KSR1: variants seen among roughly 807,000 people sequenced by gnomAD.
KSR1 encodes kinase suppressor of ras.
Under a neutral mutation model 92.9 loss-of-function variants are expected in KSR1, and 35 were observed. The ratio of observed to expected loss-of-function variants is 0.38; its 90% CI spans 0.29 to 0.50. The LOEUF (loss-of-function observed/expected upper bound fraction) is 0.50. Ranked by LOEUF, KSR1 falls within the 20% of genes least tolerant of loss-of-function variation. The pLI, the probability that KSR1 is intolerant of heterozygous loss-of-function variation, is 0.94. For synonymous variants in KSR1, 467 were observed against 472.6 expected (o/e 0.99, Z 0.15); for missense variants, 972 against 1,158.5 (o/e 0.84, Z 2.34).
chr17:27,461,065 T>G (rs2019409854), intron 1 of KSR1, among the ~76,000 whole-genome samples: 1 of 152,088 alleles, frequency 6.6e-6, no homozygotes, highest in Non-Finnish European at 1.5e-5. Context: ...TTTTTTGTTT[T>G]GTTTTGTTTT....
intron 1 of KSR1, among the ~76,000 whole-genome samples, chr17:27,485,401 A>G (rs2068635898): frequency 6.6e-6 from 1 of 152,198 alleles, no homozygotes. Flanking sequence ...CCTGGAGTTC[A>G]GATGGGTGGG....
At chr17:27,477,383 C>G (rs1050418002) in intron 1 of KSR1, among the ~76,000 whole-genome samples, 8 of 152,190 alleles carry the variant, frequency 5.3e-5, no homozygotes, top group African/African-American at 1.4e-4. Flanking sequence ...TCTAGCTGCC[C>G]TGGAAACACC....
At chr17:27,597,549 G>C in intron 10 of KSR1, 113 bp downstream of exon 10, 1 of 1,140,340 alleles carries the variant, frequency 8.8e-7, no homozygotes, top group African/African-American at 1.6e-5. Flanking sequence ...AAGAGCTGAT[G>C]TTTATGAAGT....
In KSR1 at chr17:27,577,842, C is replaced by A. The variant is rs1468514732; in HGVS notation, c.520+203C>A. ...CTGGATCCTGGTGGGTCTGGCCAGG[C>A]CGAATCTGAGGGGTTTCAGCCATGG... On this transcript the variant is annotated intron_variant, in intron 3 of 20. Coordinates refer to ENST00000644974, the MANE Select transcript of KSR1 (RefSeq NM_001394583.1). This position sits in a 1 kb window ranked among gnomAD's most constrained non-coding sequence, Gnocchi z 4.5. The A allele has an allele frequency of 8.6e-6, 6 of 694,258 alleles. No individual in the cohort carries two copies. The East Asian group carries it at 1.6e-4, about 19-fold the overall frequency. 43.0% of individuals were successfully genotyped at this position (694,258 alleles called of 1,614,324 possible).
At chr17:27,590,736 C>T in intron 6 of KSR1, 75 bp from the exon 7 acceptor site, 2 of 1,412,758 alleles carry the variant, frequency 1.4e-6, no homozygotes, top group East Asian at 2.5e-5. Context: ...CCCTGGAGCT[C>T]CATGGGAAAC....
chr17:27,473,846 T>C (rs139320538), intron 1 of KSR1, among the ~76,000 whole-genome samples: 1 of 152,246 alleles, frequency 6.6e-6, no homozygotes, highest in Non-Finnish European at 1.5e-5. Flanking sequence ...TTTGTGTGGT[T>C]GGCCTGGTGG....
chr17:27,515,655 A>G (rs1597923229), intron 1 of KSR1, among the ~76,000 whole-genome samples: 1 of 133,416 alleles, frequency 7.5e-6, no homozygotes, highest in South Asian at 2.3e-4. Context: ...TATTGCTGCC[A>G]GGTCTTGTGG....
At chr17:27,580,714 G>A (rs2072717809) in intron 3 of KSR1, among the ~76,000 whole-genome samples, 1 of 152,202 alleles carries the variant, frequency 6.6e-6, no homozygotes, top group Non-Finnish European at 1.5e-5. Flanking sequence ...AGGGAGGAGG[G>A]AGGCAGGGCT....
At chr17:27,467,813 G>GTTTT (rs200085439) in intron 1 of KSR1, among the ~76,000 whole-genome samples, 1 of 139,392 alleles carries the variant, frequency 7.2e-6, no homozygotes. Flanking sequence ...TTTATGTTTT[G>GTTTT]TTTTTTTTTT....
rs577377404 is a variant in KSR1 at position 27,609,871 on chromosome 17, C to T, written c.2226-196C>T. On this transcript the variant is annotated intron_variant, in intron 16 of 20. Transcript: ENST00000644974. ...CTTGCCCTGCTTTTCTAGAAACAAC[C>T]GGTCATGACTCCTTTGTAGAATTCC... 181 of 565,490 alleles carry T rather than the reference C, an allele frequency of 3.2e-4. 2 individuals carry two copies. In the South Asian group the frequency reaches 3.8e-3, roughly 12 times the overall value. 35.0% of individuals were successfully genotyped at this position (565,490 alleles called of 1,614,324 possible). A position where few individuals can be genotyped will look rare whatever the true frequency, so the allele number is the denominator to read the frequency against.
chr17:27,547,349 G>A (rs1326071281), intron 1 of KSR1, among the ~76,000 whole-genome samples: 1 of 152,238 alleles, frequency 6.6e-6, no homozygotes, highest in East Asian at 1.9e-4. Flanking sequence ...ATCGATGAAC[G>A]TAGATGGGGA....
At chr17:27,586,644 A>G (rs2072978502) in intron 5 of KSR1, among the ~76,000 whole-genome samples, 2 of 152,150 alleles carry the variant, frequency 1.3e-5, no homozygotes, top group South Asian at 2.1e-4. Flanking sequence ...TCATCCTCCA[A>G]TTGCTGTGGT....
chr17:27,479,452 C>G (rs2068448501), intron 1 of KSR1, among the ~76,000 whole-genome samples: 1 of 152,192 alleles, frequency 6.6e-6, no homozygotes, highest in Admixed American at 6.5e-5. Flanking sequence ...AGGTTGCACC[C>G]CTCACCTCTC....
intron 2 of KSR1, among the ~76,000 whole-genome samples, chr17:27,574,096 G>A (rs2072414065): frequency 6.6e-6 from 1 of 152,194 alleles, no homozygotes; most frequent in Non-Finnish European, 1.5e-5. Flanking sequence ...GTATGTGGTG[G>A]AGAGACAAAC....
At chr17:27,461,998 G>A (rs894216789) in intron 1 of KSR1, among the ~76,000 whole-genome samples, 7 of 152,232 alleles carry the variant, frequency 4.6e-5, no homozygotes, top group Admixed American at 6.5e-5. Flanking sequence ...CATCCTTTCA[G>A]AAGAGGCTGG....
Position 27,582,700 on chromosome 17 carries a change from G to A in KSR1, c.575G>A (p.Ser192Asn), listed in dbSNP as rs2072811565. ...AGTTCATTGGATGCGCGGCGGGAAA[G>A]TGGCTCAGGGCCTTCCACGGACACC... is the stretch of plus-strand genomic sequence containing the variant. ...SWSSLDARRE[S>N]GSGPSTDTLS... The change falls in exon 4 of 21, where the codon AGT becomes AAT. Residue 192 changes from serine (S) to asparagine (N), a missense_variant. Physicochemically the swap from Ser to Asn is conservative, Grantham distance 46. Transcript: ENST00000644974. 6.2e-7 allele frequency: 1 copy of A among 1,613,608 alleles called. No individual in the cohort carries two copies.
At chr17:27,595,524 G>A (rs2073309648) in intron 9 of KSR1, among the ~76,000 whole-genome samples, 2 of 152,222 alleles carry the variant, frequency 1.3e-5, no homozygotes, top group South Asian at 4.1e-4. Flanking sequence ...AAGTGGTGGT[G>A]GAAGCTGGCT....
intron 1 of KSR1, among the ~76,000 whole-genome samples, chr17:27,526,094 T>TTC (rs59170484): frequency 0.021 from 2,441 of 118,396 alleles, 90 homozygotes; most frequent in Non-Finnish European, 0.028. Flanking sequence ...CTTTCTTTCT[T>TTC]TCTCTCTCTC....
intron 16 of KSR1, 53 bp downstream of exon 16, chr17:27,609,382 C>T (rs2073853053): frequency 6.2e-7 from 1 of 1,605,232 alleles, no homozygotes; most frequent in African/African-American, 1.3e-5. Context: ...TGGGGAAGAG[C>T]AGGGCTGAGG....
Sources: allele counts gnomAD v4.1 joint callset (sites outside exome capture counted in the v4.1 genomes callset), GRCh38; gene constraint gnomAD v4.1.1; non-coding constraint Gnocchi (gnomAD v3.1); transcripts MANE v1.5; gene names NCBI Gene and HGNC (gene_info 2026-07-23, HGNC 2026-07-21).